BMPR1A: variants seen among roughly 807,000 people sequenced by gnomAD.
BMPR1A encodes bone morphogenetic protein receptor type-1A.
Under a neutral mutation model 66.0 loss-of-function variants are expected in BMPR1A, and 7 were observed. The observed-to-expected ratio is 0.11, with a 90% CI of 0.06 to 0.20. BMPR1A has a LOEUF of 0.20. Among genes scored for constraint, BMPR1A ranks in the 10% least tolerant of loss-of-function variants. The pLI is 1.00. For synonymous variants in BMPR1A, 200 were observed against 229.7 expected, an observed-to-expected ratio of 0.87 and a Z score of 1.17; for missense variants, 408 against 669.1, an observed-to-expected ratio of 0.61 and a Z score of 4.31.
intron 2 of BMPR1A, among the ~76,000 whole-genome samples, chr10:86,874,733 T>A: frequency 7.1e-6 from 1 of 140,778 alleles, no homozygotes. Context: ...TTTTTTTTTT[T>A]TTGAGATGGA....
At chr10:86,820,052 T>C (rs908969743) in intron 1 of BMPR1A, among the ~76,000 whole-genome samples, 6 of 152,180 alleles carry the variant, frequency 3.9e-5, no homozygotes, top group African/African-American at 1.4e-4. Context: ...TTGTTTTGTT[T>C]TGTTTGAGAC....
chr10:86,862,943 C>T (rs1225679054), intron 2 of BMPR1A, among the ~76,000 whole-genome samples: 1 of 150,438 alleles, frequency 6.6e-6, no homozygotes, highest in African/African-American at 2.4e-5. Flanking sequence ...TTGCTGATAA[C>T]ATTGTTAAGT....
At chr10:86,916,032 G>T (rs895773715) in intron 8 of BMPR1A, among the ~76,000 whole-genome samples, 1 of 152,170 alleles carries the variant, frequency 6.6e-6, no homozygotes, top group Non-Finnish European at 1.5e-5. Context: ...TGTGTTAAGC[G>T]CAGCAACTGA....
At chr10:86,914,082 T>A (rs1015329581) in intron 8 of BMPR1A, among the ~76,000 whole-genome samples, 1 of 151,492 alleles carries the variant, frequency 6.6e-6, no homozygotes, top group African/African-American at 2.4e-5. Context: ...TTATGGAGTT[T>A]AGAAAGGAAC....
At chr10:86,766,908 C>G (rs1841172743) in intron 1 of BMPR1A, among the ~76,000 whole-genome samples, 1 of 151,414 alleles carries the variant, frequency 6.6e-6, no homozygotes, top group Non-Finnish European at 1.5e-5. Flanking sequence ...ACTGCAGCCT[C>G]TGCCTCCCGG....
At chr10:86,853,608 C>T (rs1842601696) in intron 2 of BMPR1A, among the ~76,000 whole-genome samples, 1 of 152,056 alleles carries the variant, frequency 6.6e-6, no homozygotes, top group Non-Finnish European at 1.5e-5. Flanking sequence ...TAAGTGTTGG[C>T]TGGTTAGAGA....
In BMPR1A at chr10:86,914,548, T is replaced by A. The variant is rs912499756; in HGVS notation, c.675+2164T>A. Among the ~76,000 whole-genome samples the A allele has an allele frequency of 1.2e-4, 19 of 152,192 alleles. 2 individuals carry two copies. Among genetic ancestry groups the A allele is most frequent in the South Asian group, 4.1e-4 (2 of 4,822 alleles). Reference sequence around the variant, plus strand: ...CAATAATAAGATAACCCAATTTTTTTAAAAAATGGACAAAAGATTTGAACA... The same window carrying A: ...CAATAATAAGATAACCCAATTTTTTAAAAAAATGGACAAAAGATTTGAACA... On this transcript the variant is annotated intron_variant, in intron 8 of 12. Transcript: ENST00000372037.
chr10:86,794,824 CTATAGATATAGATA>C lies in BMPR1A; in HGVS notation c.-268+37922_-268+37935del, dbSNP rs1428470176. Reference sequence around the variant, plus strand: ...AATTCAAATTTATCTATATCTATATCTATAGATATAGATATATAGATATAGATATAGTTTTTTTT... The same window carrying C: ...AATTCAAATTTATCTATATCTATATCTATAGATATAGATATAGTTTTTTTT... On this transcript the variant is annotated intron_variant, in intron 1 of 12. Transcript: ENST00000372037. 5.4e-5 allele frequency among the ~76,000 whole-genome samples: 8 copies of C among 148,312 alleles called. No homozygotes were observed. In the East Asian group the frequency reaches 5.9e-4, roughly 11 times the overall value.
At chr10:86,897,624 A>T (rs568745899) in intron 5 of BMPR1A, among the ~76,000 whole-genome samples, 1 of 152,170 alleles carries the variant, frequency 6.6e-6, no homozygotes, top group South Asian at 2.1e-4. Context: ...AGATTTTTTT[A>T]AAGACAGGGT....
At chr10:86,817,505 G>C (rs1410048842) in intron 1 of BMPR1A, among the ~76,000 whole-genome samples, 1 of 151,964 alleles carries the variant, frequency 6.6e-6, no homozygotes, top group Admixed American at 6.6e-5. Context: ...ATGGATACTT[G>C]GGTTACTTTC....
chr10:86,821,531 C>T (rs760706286), intron 1 of BMPR1A, among the ~76,000 whole-genome samples: 2 of 152,210 alleles, frequency 1.3e-5, no homozygotes, highest in Middle Eastern at 3.4e-3. Flanking sequence ...CTAGTGGGTA[C>T]ATCATGCTCA....
At chr10:86,769,695 C>T (rs1437172326) in intron 1 of BMPR1A, among the ~76,000 whole-genome samples, 1 of 152,102 alleles carries the variant, frequency 6.6e-6, no homozygotes, top group Non-Finnish European at 1.5e-5. Context: ...CTTCTCCTTC[C>T]CTTGGAGTGT....
At chr10:86,848,122 G>A (rs1842511941) in intron 2 of BMPR1A, among the ~76,000 whole-genome samples, 1 of 151,996 alleles carries the variant, frequency 6.6e-6, no homozygotes, top group African/African-American at 2.4e-5. Context: ...TAGTAGAGAT[G>A]GGGCTTCATC....
downstream of BMPR1A, chr10:86,931,278 T>TACACACACACACACACAC (rs1554892369): frequency 2.9e-5 from 3 of 104,774 alleles, no homozygotes; most frequent in African/African-American, 1.6e-4. Context: ...TATATATATA[T>TACACACACACACACACAC]ATACACACAC....
chr10:86,872,335 A>G (rs1237016396), intron 2 of BMPR1A, among the ~76,000 whole-genome samples: 4 of 152,196 alleles, frequency 2.6e-5, no homozygotes, highest in African/African-American at 9.7e-5. Context: ...GTGTATTTAC[A>G]TTATATAATA....
At chr10:86,888,027 C>T (rs1006253822) in intron 3 of BMPR1A, among the ~76,000 whole-genome samples, 9 of 152,098 alleles carry the variant, frequency 5.9e-5, no homozygotes, top group Non-Finnish European at 1.0e-4. Context: ...GAGGTCTTTC[C>T]GCTTTGTAGC....
At position 86,892,228 on chromosome 10, in the gene BMPR1A, A is replaced by G. The variant is rs756944246; in HGVS notation, c.332A>G (p.Lys111Arg). The G allele has an allele frequency of 1.9e-6, 3 of 1,611,588 alleles. No homozygotes were observed. The highest frequency in any genetic ancestry group is 2.5e-6 in the Non-Finnish European group (3 of 1,177,750). ...TATGAAGGATCTGATTTTCAGTGCA[A>G]AGTAAGATATAATTTGGGACCCATG... ...MKYEGSDFQC[K>R]DSPKAQLRRT... is the part of the protein sequence containing the mutation. Residue 111 changes from lysine to arginine, a missense_variant and splice_region_variant, in exon 5 of 13, where the codon AAA (lysine) becomes AGA (arginine). By Grantham distance (26) the Lys-to-Arg change is conservative. Transcript: ENST00000372037.
intron 3 of BMPR1A, among the ~76,000 whole-genome samples, chr10:86,880,561 A>G (rs978951765): frequency 2.0e-5 from 3 of 152,216 alleles, no homozygotes; most frequent in African/African-American, 7.2e-5. Context: ...CTCACTCAGT[A>G]CATTTTGGTT....
At chr10:86,768,012 G>A (rs1210247479) in intron 1 of BMPR1A, among the ~76,000 whole-genome samples, 1 of 152,120 alleles carries the variant, frequency 6.6e-6, no homozygotes, top group Non-Finnish European at 1.5e-5. Context: ...TAGTAAGATG[G>A]TACACATGCC....
Sources: gnomAD v4.1 joint callset for allele counts (sites outside exome capture counted in the v4.1 genomes callset) on GRCh38, gnomAD v4.1.1 for gene constraint, MANE v1.5 for transcripts, NCBI Gene and HGNC (gene_info 2026-07-23, HGNC 2026-07-21) for gene names.